TMEM161B: variants seen among roughly 807,000 people sequenced by gnomAD.
TMEM161B encodes the protein transmembrane protein 161B.
TMEM161B carries 34 observed loss-of-function variants against 61.8 expected under a neutral mutation model. The observed-to-expected ratio is 0.55, with a 90% CI of 0.42 to 0.73. The LOEUF is 0.73. Ranked by LOEUF, TMEM161B falls within the 30% of genes least tolerant of loss-of-function variation. TMEM161B has a pLI of 0.00. For missense variants in TMEM161B, 456 were observed against 558.5 expected (o/e 0.82, Z 1.85); for synonymous variants, 167 against 192.8 (o/e 0.87, Z 1.11).
chr5:88,185,873 T>C (rs755917413), downstream of TMEM161B, among the ~76,000 whole-genome samples: 3 of 152,154 alleles, frequency 2.0e-5, no homozygotes, highest in Non-Finnish European at 4.4e-5. Context: ...GACCAAAAAA[T>C]GTTTGTATTG....
chr5:88,190,018 T>G, exon 13 of TMEM161B: 1 of 699,536 alleles, frequency 1.4e-6, no homozygotes, highest in Non-Finnish European at 2.6e-6. Flanking sequence ...TCTGAGCCGA[T>G]CCGTAAGGGC....
At position 88,203,034 on chromosome 5, in the gene TMEM161B, A is replaced by G. The variant is rs753303583; in HGVS notation, c.842T>C (p.Val281Ala). 1 of 1,610,084 alleles carries G rather than the reference A, an allele frequency of 6.2e-7. No homozygotes were observed. The highest frequency in any genetic ancestry group is 1.1e-5 in the South Asian group (1 of 90,838). ...GGTGATTGGTTTTACCCAGAGCAGA[A>G]CCATAAATAAAGGTGCCAAGAAGTT... Reference protein sequence around the residue: ...HINFLAPLFMVLLWVKPITKD... With the variant: ...HINFLAPLFMALLWVKPITKD... Residue 281 changes from valine (V) to alanine (A), a missense_variant, in exon 9 of 12, where the codon GTT becomes GCT. Val to Ala is a moderately conservative substitution (Grantham distance 64). Around this residue, in one of 3 missense-constraint regions of TMEM161B, gnomAD observed 367 missense variants for 427.3 expected, o/e 0.86. Coordinates refer to ENST00000296595, the MANE Select transcript of TMEM161B (RefSeq NM_153354.5).
chr5:88,199,200 G>A (rs1750254443), intron 9 of TMEM161B, 50 bp from the exon 10 acceptor site: 1 of 1,527,568 alleles, frequency 6.5e-7, no homozygotes, highest in Admixed American at 2.1e-5. Context: ...CAATATGCTA[G>A]CATGCTCGTT....
chr5:88,195,566 C>T lies in TMEM161B; in HGVS notation c.*645G>A. On this transcript the variant is annotated 3_prime_UTR_variant, in exon 12 of 12. Transcript: ENST00000296595. ...TATGGCCAATCATTTTAAAAGAACT[C>T]TCAAGTTGGGTGGAATATGTTTTAA... 1.0e-6 allele frequency: 1 copy of T among 985,314 alleles called. No homozygotes were observed. The highest frequency in any genetic ancestry group is 1.2e-6 in the Non-Finnish European group (1 of 829,718). 61.0% of individuals were successfully genotyped at this position (985,314 alleles called of 1,614,324 possible). A position where few individuals can be genotyped will look rare whatever the true frequency, so the allele number is the denominator to read the frequency against.
chr5:88,239,618 C>T (rs540999693), intron 2 of TMEM161B, among the ~76,000 whole-genome samples: 18 of 152,078 alleles, frequency 1.2e-4, no homozygotes, highest in African/African-American at 3.9e-4. Context: ...TTGTGAACAG[C>T]TCTCTCACAC....
intron 10 of TMEM161B, chr5:88,198,349 T>C (rs1216551250): frequency 6.6e-6 from 1 of 152,082 alleles, no homozygotes; most frequent in Non-Finnish European, 1.5e-5. Context: ...ATCCCAATAC[T>C]TTGGGAGGTG....
At chr5:88,259,998 C>T (rs1335945820) in intron 1 of TMEM161B, among the ~76,000 whole-genome samples, 3 of 152,122 alleles carry the variant, frequency 2.0e-5, no homozygotes, top group African/African-American at 7.2e-5. Context: ...GGAGAAGTTA[C>T]TCCAATCTTG....
intron 1 of TMEM161B, among the ~76,000 whole-genome samples, chr5:88,251,909 C>T (rs1027602911): frequency 5.3e-5 from 8 of 152,192 alleles, no homozygotes; most frequent in Middle Eastern, 3.4e-3. Context: ...AGAGCAATGT[C>T]ATTTAGAATA....
At chr5:88,256,393 C>T (rs981802345) in intron 1 of TMEM161B, among the ~76,000 whole-genome samples, 3 of 152,190 alleles carry the variant, frequency 2.0e-5, no homozygotes, top group African/African-American at 4.8e-5. Context: ...TTCCTAAATT[C>T]TGTCACTTTT....
At chr5:88,190,018 T>C (rs924791631) in exon 13 of TMEM161B, 1 of 699,418 alleles carries the variant, frequency 1.4e-6, no homozygotes, top group African/African-American at 1.7e-5. Context: ...TCTGAGCCGA[T>C]CCGTAAGGGC....
At chr5:88,256,127 A>C (rs1011215835) in intron 1 of TMEM161B, among the ~76,000 whole-genome samples, 1 of 152,218 alleles carries the variant, frequency 6.6e-6, no homozygotes, top group African/African-American at 2.4e-5. Flanking sequence ...ATTAAACACA[A>C]GTCACAAACC....
At chr5:88,246,308 A>G (rs998155788) in intron 1 of TMEM161B, among the ~76,000 whole-genome samples, 4 of 151,802 alleles carry the variant, frequency 2.6e-5, no homozygotes, top group African/African-American at 9.7e-5. Flanking sequence ...TTTTATACCA[A>G]TACAGGAATC....
intron 1 of TMEM161B, among the ~76,000 whole-genome samples, chr5:88,263,473 T>C (rs1406963085): frequency 1.3e-5 from 2 of 152,172 alleles, no homozygotes; most frequent in Non-Finnish European, 2.9e-5. Flanking sequence ...GGTACAGTCA[T>C]TTCAAAGCCA....
At chr5:88,212,711 C>G (rs1747058720) in intron 5 of TMEM161B, among the ~76,000 whole-genome samples, 1 of 152,114 alleles carries the variant, frequency 6.6e-6, no homozygotes, top group Non-Finnish European at 1.5e-5. Flanking sequence ...TGCCTATAGT[C>G]CCAGCTACTC....
At position 88,230,569 on chromosome 5, in the gene TMEM161B, A is replaced by T. The variant is rs559237053; in HGVS notation, c.108-2041T>A. ...TACTTCTCCAGATTCACCTTCAACCATTCCCATTTGAAGGTGACACTTTCT... is the reference window on the plus strand; with the variant it reads ...TACTTCTCCAGATTCACCTTCAACCTTTCCCATTTGAAGGTGACACTTTCT... On this transcript the variant is annotated intron_variant, in intron 2 of 11. Transcript: ENST00000296595. Among the ~76,000 whole-genome samples, 5 of 152,218 alleles carry T rather than the reference A, an allele frequency of 3.3e-5. No homozygotes were observed. The East Asian group carries it at 9.7e-4, about 29-fold the overall frequency.
chr5:88,255,701 TTTTTAATTTCCTTAAAA>T (rs1754904257), intron 1 of TMEM161B, among the ~76,000 whole-genome samples: 1 of 152,208 alleles, frequency 6.6e-6, no homozygotes, highest in East Asian at 1.9e-4. Context: ...ATAAAATACA[TTTTTAATTTCCTTAAAA>T]AGTGAAAGCA....
chr5:88,252,426 T>C (rs1416383223), intron 1 of TMEM161B, among the ~76,000 whole-genome samples: 2 of 151,886 alleles, frequency 1.3e-5, no homozygotes, highest in African/African-American at 2.4e-5. Flanking sequence ...TAACACATAA[T>C]GAAAATTAGA....
downstream of TMEM161B, among the ~76,000 whole-genome samples, chr5:88,186,737 C>G (rs992972010): frequency 2.6e-5 from 4 of 151,836 alleles, no homozygotes; most frequent in African/African-American, 9.7e-5. Flanking sequence ...CGAGACCAGC[C>G]TGGCCAAAAT....
At chr5:88,264,861 C>T (rs556691973) in intron 1 of TMEM161B, among the ~76,000 whole-genome samples, 5 of 151,930 alleles carry the variant, frequency 3.3e-5, no homozygotes, top group East Asian at 1.9e-4. Context: ...CATGTTCTCA[C>T]TCATAAGTGG....
Sources: gnomAD v4.1 joint callset for allele counts (sites outside exome capture counted in the v4.1 genomes callset) on GRCh38, gnomAD v4.1.1 for gene constraint, gnomAD v4.1.1 regional missense constraint, MANE v1.5 for transcripts, NCBI Gene and HGNC (gene_info 2026-07-23, HGNC 2026-07-21) for gene names.